Variants in LHPP observed in about 807,000 individuals in gnomAD.
LHPP encodes the protein phospholysine phosphohistidine inorganic pyrophosphate phosphatase, also known as hLHPP.
LHPP carries 24 observed loss-of-function variants against 30.3 expected under a neutral mutation model. That is an observed-to-expected ratio of 0.79 (90% CI 0.57 to 1.11). The LOEUF (loss-of-function observed/expected upper bound fraction) is 1.11. Ranked by LOEUF, LHPP falls within the 50% of genes most tolerant of loss-of-function variation. The probability of loss-of-function intolerance (pLI) is 0.00; values close to 1 mark genes in which losing one functional copy is unlikely to be tolerated. For synonymous variants in LHPP, 150 were observed against 157.1 expected (o/e 0.95, Z 0.34); for missense variants, 356 against 367.2 (o/e 0.97, Z 0.25).
At chr10:124,488,312 G>T (rs911965538) in intron 2 of LHPP, 110 bp from the exon 3 acceptor site, 4 of 930,726 alleles carry the variant, frequency 4.3e-6, no homozygotes, top group Non-Finnish European at 6.8e-6. Context: ...AGAAAGAAAT[G>T]CATCTGAGAA....
chr10:124,483,314 G>A (rs1193684080), intron 1 of LHPP, among the ~76,000 whole-genome samples: 3 of 152,240 alleles, frequency 2.0e-5, no homozygotes, highest in Non-Finnish European at 4.4e-5. Context: ...TGGATCCAGA[G>A]TTAGTAAGGC....
chr10:124,585,540 A>T (rs12765074), intron 6 of LHPP, among the ~76,000 whole-genome samples: 4 of 151,344 alleles, frequency 2.6e-5, no homozygotes, highest in Non-Finnish European at 2.9e-5. Flanking sequence ...GCTTGAACCC[A>T]GGAGATGGAG....
intron 6 of LHPP, among the ~76,000 whole-genome samples, chr10:124,561,682 C>T (rs1045919829): frequency 2.6e-5 from 4 of 151,546 alleles, no homozygotes; most frequent in East Asian, 2.0e-4. Context: ...GGAACCTGGA[C>T]GTCCACCCCA....
At chr10:124,531,916 A>G (rs1165412545) in intron 6 of LHPP, among the ~76,000 whole-genome samples, 1 of 152,190 alleles carries the variant, frequency 6.6e-6, no homozygotes, top group East Asian at 1.9e-4. Context: ...AAATAACTCC[A>G]TCATTCTTCC....
chr10:124,551,192 C>T (rs1010644311), intron 6 of LHPP, among the ~76,000 whole-genome samples: 4 of 152,162 alleles, frequency 2.6e-5, no homozygotes, highest in Non-Finnish European at 4.4e-5. Flanking sequence ...CTCCCTGCCT[C>T]AGAGACTGCG....
rs535819966 is a variant in LHPP at position 124,462,020 on chromosome 10, C to G, written c.125+33C>G. 1.1e-4 allele frequency: 126 copies of G among 1,199,514 alleles called. No individual in the cohort carries two copies. The African/African-American group carries it at 1.5e-3, about 14-fold the overall frequency. 74.3% of individuals were successfully genotyped at this position (1,199,514 alleles called of 1,614,324 possible). A position where few individuals can be genotyped will look rare whatever the true frequency, so the allele number is the denominator to read the frequency against. On this transcript the variant is annotated intron_variant, in intron 1 of 6. Transcript: ENST00000368842. ...GGCCCCGGGACGCCGCTGGGGCCGC[C>G]GAGCTCTAAGCTCAGCCCGCTCCCT...
intron 6 of LHPP, among the ~76,000 whole-genome samples, chr10:124,527,368 C>T (rs905579530): frequency 1.3e-5 from 2 of 152,228 alleles, no homozygotes; most frequent in African/African-American, 4.8e-5. Context: ...CAGCTGGACG[C>T]AGTTCTTATT....
intron 6 of LHPP, among the ~76,000 whole-genome samples, chr10:124,528,614 C>T (rs1329299466): frequency 6.6e-6 from 1 of 152,088 alleles, no homozygotes; most frequent in African/African-American, 2.4e-5. Flanking sequence ...CCACCTCAGC[C>T]TCCTAAAGTG....
intron 2 of LHPP, among the ~76,000 whole-genome samples, chr10:124,487,363 G>C (rs1299110948): frequency 3.3e-5 from 5 of 151,978 alleles, no homozygotes; most frequent in Non-Finnish European, 7.4e-5. Context: ...CCAGACCTTG[G>C]TGTTATCAGT....
At chr10:124,571,225 G>A (rs10794154) in intron 6 of LHPP, among the ~76,000 whole-genome samples, 77,726 of 152,058 alleles carry the variant, frequency 0.51, 20,121 homozygotes, top group South Asian at 0.66. Flanking sequence ...AAAACGGACT[G>A]ATACACTTCC....
intron 1 of LHPP, among the ~76,000 whole-genome samples, chr10:124,469,298 G>A (rs918606628): frequency 6.6e-6 from 1 of 152,112 alleles, no homozygotes; most frequent in African/African-American, 2.4e-5. Context: ...GAGCCTGCGA[G>A]GGGCGACACA....
chr10:124,489,868 C>A, intron 3 of LHPP: 1 of 206,304 alleles, frequency 4.8e-6, no homozygotes, highest in Non-Finnish European at 9.7e-6. Flanking sequence ...CGCCTGTAAA[C>A]TGAAATTCGG....
chr10:124,494,448 G>A (rs1322401676), intron 3 of LHPP, among the ~76,000 whole-genome samples: 5 of 152,192 alleles, frequency 3.3e-5, no homozygotes, highest in Non-Finnish European at 7.3e-5. Context: ...AGCATTTCCT[G>A]TGTGGGGTAT....
intron 6 of LHPP, among the ~76,000 whole-genome samples, chr10:124,569,938 TC>T (rs1948557416): frequency 6.6e-6 from 1 of 152,046 alleles, no homozygotes; most frequent in Non-Finnish European, 1.5e-5. Flanking sequence ...CCCAGAAGTT[TC>T]CCCGTGCCCC....
At chr10:124,547,667 C>T (rs945923782) in intron 6 of LHPP, among the ~76,000 whole-genome samples, 2 of 152,220 alleles carry the variant, frequency 1.3e-5, no homozygotes, top group Non-Finnish European at 2.9e-5. Flanking sequence ...TGGTGGAGGT[C>T]GGGGCTGGCC....
At chr10:124,553,033 G>A (rs982851884) in intron 6 of LHPP, among the ~76,000 whole-genome samples, 2 of 152,238 alleles carry the variant, frequency 1.3e-5, no homozygotes, top group Non-Finnish European at 2.9e-5. Context: ...GCCGCTCAGC[G>A]CTCCGCGGCC....
chr10:124,476,293 C>T (rs997733216), intron 1 of LHPP, among the ~76,000 whole-genome samples: 1 of 152,222 alleles, frequency 6.6e-6, no homozygotes, highest in African/African-American at 2.4e-5. Flanking sequence ...AGGTGCTCAA[C>T]AGCGTCTAGT....
intron 6 of LHPP, among the ~76,000 whole-genome samples, chr10:124,533,971 G>T (rs1006274313): frequency 6.8e-6 from 1 of 146,796 alleles, no homozygotes; most frequent in African/African-American, 2.5e-5. Flanking sequence ...GGTTGGCAGG[G>T]ACCACATCTG....
chr10:124,569,325 C>A (rs986122184), intron 6 of LHPP, among the ~76,000 whole-genome samples: 12 of 152,274 alleles, frequency 7.9e-5, no homozygotes, highest in Non-Finnish European at 1.3e-4. Context: ...AGGAATGAGG[C>A]CTTTCACCCC....
Sources: gnomAD v4.1 joint callset for allele counts (sites outside exome capture counted in the v4.1 genomes callset) on GRCh38, gnomAD v4.1.1 for gene constraint, MANE v1.5 for transcripts, NCBI Gene and HGNC (gene_info 2026-07-23, HGNC 2026-07-21) for gene names.